The following SNW1 variants were observed in gnomAD, a reference collection of about 807,000 sequenced individuals.
SNW1 encodes the protein SNW domain containing 1.
SNW1 carries 9 observed loss-of-function variants against 75.6 expected under a neutral mutation model. That is an observed-to-expected ratio of 0.12 (90% CI 0.07 to 0.21). The LOEUF (loss-of-function observed/expected upper bound fraction) is 0.21. Ranked by LOEUF, SNW1 falls within the 10% of genes least tolerant of loss-of-function variation. The pLI, the probability that SNW1 is intolerant of heterozygous loss-of-function variation, is 1.00. For synonymous variants in SNW1, 200 were observed against 219.1 expected, an observed-to-expected ratio of 0.91 and a Z score of 0.77; for missense variants, 409 against 670.9, an observed-to-expected ratio of 0.61 and a Z score of 4.31.
At chr14:77,759,713 T>G (rs961094092) in intron 1 of SNW1, among the ~76,000 whole-genome samples, 4 of 152,100 alleles carry the variant, frequency 2.6e-5, no homozygotes, top group Non-Finnish European at 5.9e-5. Context: ...TGGTAGCTCA[T>G]GCCTGCAATC....
At chr14:77,752,034 T>C (rs779333657) in intron 2 of SNW1, among the ~76,000 whole-genome samples, 3 of 152,198 alleles carry the variant, frequency 2.0e-5, no homozygotes, top group Non-Finnish European at 4.4e-5. Context: ...GGGACTTACA[T>C]GCTACAGCAA....
intron 8 of SNW1, among the ~76,000 whole-genome samples, chr14:77,734,700 C>T (rs903364059): frequency 2.6e-5 from 4 of 151,742 alleles, no homozygotes; most frequent in African/African-American, 7.3e-5. Flanking sequence ...ATCATGCCAC[C>T]GTACTCCAGC....
chr14:77,731,014 G>A lies in SNW1; in HGVS notation c.1007C>T (p.Ala336Val). 1 of 1,613,938 alleles carries A rather than the reference G, an allele frequency of 6.2e-7. No homozygotes were observed. The highest frequency in any genetic ancestry group is 8.5e-7 in the Non-Finnish European group (1 of 1,179,984). ...EMAQKARERRAGIKTHVEKED... is the reference protein window; with the variant it reads ...EMAQKARERRVGIKTHVEKED... The stretch of plus-strand genomic sequence containing the variant: ...TTTTTCCACATGAGTTTTGATCCCA[G>A]CTCTTCTCTCCCTGGCTTTCTGGGC... The change falls in exon 10 of 14, where the codon GCT becomes GTT. Residue 336 changes from alanine to valine, a missense_variant. Ala to Val is a moderately conservative substitution (Grantham distance 64, BLOSUM62 0). Around this residue, in one of 9 missense-constraint regions of SNW1, gnomAD observed 37 missense variants for 110.0 expected, o/e 0.34. Coordinates refer to ENST00000261531, the MANE Select transcript of SNW1 (RefSeq NM_012245.3).
intron 8 of SNW1, chr14:77,734,080 T>C (rs560237243): frequency 1.8e-5 from 4 of 219,006 alleles, no homozygotes; most frequent in Non-Finnish European, 2.9e-5. Context: ...AAACCTGAAA[T>C]GGTCTTCTTT....
intron 9 of SNW1, 91 bp downstream of exon 9, chr14:77,732,394 T>C (rs191763149): frequency 1.3e-6 from 1 of 763,352 alleles, no homozygotes; most frequent in Non-Finnish European, 2.3e-6. Context: ...CTTTGGGTGC[T>C]CGGTACTATA....
chr14:77,747,450 G>A lies in SNW1; in HGVS notation c.330+3869C>T, dbSNP rs533356880. Among the ~76,000 whole-genome samples the A allele has an allele frequency of 2.6e-3, 392 of 151,646 alleles. 2 individuals are homozygous for A. The highest frequency in any genetic ancestry group is 3.9e-3 in the Admixed American group (60 of 15,240). ...AAGTGAGGAGCACCTCTTCCCGGCC[G>A]CCATCCCGTCTAGGAAGTGAGGAGC... is the stretch of plus-strand genomic sequence containing the variant. On this transcript the variant is annotated intron_variant, in intron 3 of 13. Transcript: ENST00000261531.
At chr14:77,760,371 G>T (rs1477263) in intron 1 of SNW1, among the ~76,000 whole-genome samples, 98,815 of 152,080 alleles carry the variant, frequency 0.65, 32,381 homozygotes, top group South Asian at 0.72. Flanking sequence ...AGTTCGCATG[G>T]AAAGTTTTTC....
At chr14:77,740,158 AGAGAG>A (rs1469377996) in intron 3 of SNW1, among the ~76,000 whole-genome samples, 1 of 89,496 alleles carries the variant, frequency 1.1e-5, no homozygotes, top group Non-Finnish European at 2.0e-5. Context: ...AAAAAAAAAA[AGAGAG>A]AGATACAGAA....
chr14:77,719,263 T>C (rs2080517769), intron 12 of SNW1, among the ~76,000 whole-genome samples: 1 of 152,298 alleles, frequency 6.6e-6, no homozygotes, highest in Non-Finnish European at 1.5e-5. Flanking sequence ...GTGATTATCT[T>C]GAAAATATTT....
At chr14:77,743,854 C>T (rs757573670) in intron 3 of SNW1, among the ~76,000 whole-genome samples, 2 of 152,146 alleles carry the variant, frequency 1.3e-5, no homozygotes, top group African/African-American at 2.4e-5. Context: ...CCCCCAGTGC[C>T]AATGGCACAT....
At position 77,718,067 on chromosome 14, in the gene SNW1, T is replaced by A. The variant is rs563958054; in HGVS notation, c.*21A>T. 1.3e-5 allele frequency: 20 copies of A among 1,531,966 alleles called. No homozygotes were observed. The highest frequency in any genetic ancestry group is 1.7e-5 in the Non-Finnish European group (19 of 1,140,426). 94.9% of individuals were successfully genotyped at this position (1,531,966 alleles called of 1,614,324 possible). A position where few individuals can be genotyped will look rare whatever the true frequency, so the allele number is the denominator to read the frequency against. On this transcript the variant is annotated 3_prime_UTR_variant, in exon 14 of 14. Transcript: ENST00000261531. ...ATTAGGGTTATGGGTAAGAGTTCAT[T>A]CACTTTGGAGAGACCTGTGCCTATT... is the stretch of plus-strand genomic sequence containing the variant.
In SNW1 at chr14:77,751,805, GACACACACACACAC is replaced by G. The variant is rs61135876; in HGVS notation, c.169-339_169-326del. Among the ~76,000 whole-genome samples the G allele has an allele frequency of 2.2e-3, 311 of 139,558 alleles. 2 individuals carry two copies. Among genetic ancestry groups the G allele is most frequent in the African/African-American group, 7.2e-3 (269 of 37,278 alleles). The allele number at this position is 139,558 out of a possible 152,430, so 91.6% of individuals were successfully genotyped here. On this transcript the variant is annotated intron_variant, in intron 2 of 13. Coordinates refer to ENST00000261531, the MANE Select transcript of SNW1 (RefSeq NM_012245.3). ...AATGATTAGAAAGCAGTCATGGGAA[GACACACACACACAC>G]ACACACACACACACACACACACACA...
chr14:77,740,598 G>A (rs1454970467), intron 3 of SNW1, among the ~76,000 whole-genome samples: 2 of 152,032 alleles, frequency 1.3e-5, no homozygotes, highest in East Asian at 3.9e-4. Context: ...CCTTTACAGA[G>A]TTCTGTTTAT....
At chr14:77,723,103 T>A in intron 11 of SNW1, 78 bp downstream of exon 11, 1 of 1,131,036 alleles carries the variant, frequency 8.8e-7, no homozygotes, top group Non-Finnish European at 1.3e-6. Context: ...CGCATTGGCC[T>A]CCCAAAGTGC....
In SNW1 at chr14:77,718,419, G is replaced by A; in HGVS notation, c.1360C>T (p.Leu454=). The A allele has an allele frequency of 1.2e-6, 2 of 1,614,086 alleles. No homozygotes were observed. The highest frequency in any genetic ancestry group is 2.2e-5 in the East Asian group (1 of 44,882). Residue 454 remains leucine, a synonymous_variant, in exon 13 of 14, where the codon CTG becomes TTG. Coordinates refer to ENST00000261531, the MANE Select transcript of SNW1 (RefSeq NM_012245.3). ...AQSIYRPSKN[L]DKDMYGDDLE... ...TCATCACCATACATGTCCTTGTCCA[G>A]ATTTTTACTGGGCCTATAAATACTC...
intron 8 of SNW1, among the ~76,000 whole-genome samples, chr14:77,734,346 A>G (rs2080652775): frequency 6.6e-6 from 1 of 152,216 alleles, no homozygotes; most frequent in Non-Finnish European, 1.5e-5. Context: ...TAATTTTTAG[A>G]TATAAATTTG....
Position 77,731,169 on chromosome 14 carries a change from G to A in SNW1, c.892-40C>T, listed in dbSNP as rs758369802. The stretch of plus-strand genomic sequence containing the variant: ...ACATGTTAAACAGGACACTATCATG[G>A]GATAAATATTTATGGCTATCATCCA... On this transcript the variant is annotated intron_variant, in intron 9 of 13. Transcript: ENST00000261531. 3.1e-6 allele frequency: 5 copies of A among 1,597,306 alleles called. No individual in the cohort carries two copies. The South Asian group carries it at 3.4e-5, about 11-fold the overall frequency.
chr14:77,717,865 CT>C lies in SNW1; in HGVS notation c.*222del, dbSNP rs2080501546. 1.8e-6 allele frequency: 1 copy of C among 548,192 alleles called. No individual in the cohort carries two copies. Among genetic ancestry groups the C allele is most frequent in the Non-Finnish European group, 3.2e-6 (1 of 313,950 alleles). The allele number at this position is 548,192 out of a possible 1,614,324, so 34.0% of individuals were successfully genotyped here. ...TGTGGGGCAGCATGTTCTATAAATG[CT>C]GAAAGGTGGGAGAAGCACAAACACA... On this transcript the variant is annotated 3_prime_UTR_variant, in exon 14 of 14. Transcript: ENST00000261531.
chr14:77,754,478 A>G (rs2080829998), intron 2 of SNW1, among the ~76,000 whole-genome samples: 1 of 152,188 alleles, frequency 6.6e-6, no homozygotes, highest in Admixed American at 6.6e-5. Context: ...TATCAGATAT[A>G]TATTAACATT....
Sources: allele counts gnomAD v4.1 joint callset (sites outside exome capture counted in the v4.1 genomes callset), GRCh38; gene constraint gnomAD v4.1.1; regional missense constraint gnomAD v4.1.1; transcripts MANE v1.5; gene names NCBI Gene and HGNC (gene_info 2026-07-23, HGNC 2026-07-21).